ABCB4: variants seen among roughly 807,000 people sequenced by gnomAD.
ABCB4 encodes the protein ATP binding cassette subfamily B member 4.
ABCB4 carries 76 observed loss-of-function variants against 145.7 expected under a neutral mutation model. That is an observed-to-expected ratio of 0.52 (90% confidence interval 0.43 to 0.63). The LOEUF (loss-of-function observed/expected upper bound fraction) is 0.63. Ranked by LOEUF, ABCB4 falls within the 30% of genes least tolerant of loss-of-function variation. ABCB4 has a pLI of 0.00. For synonymous variants in ABCB4, 517 were observed against 566.8 expected (o/e 0.91, Z 1.25); for missense variants, 1,234 against 1,553.1 (o/e 0.79, Z 3.45).
Position 87,402,530 on chromosome 7 carries a change from T to G in ABCB4, c.3634-228A>C, listed in dbSNP as rs45613941. Among the ~76,000 whole-genome samples the G allele has an allele frequency of 0.016, 2,439 of 152,322 alleles. 73 individuals carry two copies. Among genetic ancestry groups the G allele is most frequent in the African/African-American group, 0.055 (2,302 of 41,568 alleles). ...GGTTCCCATGCTGTAAAAAAATTCATAAGTATTTAAATTTTCTAATCTTCT... is the reference window on the plus strand; with the variant it reads ...GGTTCCCATGCTGTAAAAAAATTCAGAAGTATTTAAATTTTCTAATCTTCT... On this transcript the variant is annotated intron_variant, in intron 27 of 27. Coordinates refer to ENST00000649586, the MANE Select transcript of ABCB4 (RefSeq NM_000443.4).
At chr7:87,431,309 T>TTCAACAA (rs1810203544) in intron 15 of ABCB4, 95 bp downstream of exon 15, 2 of 1,506,788 alleles carry the variant, frequency 1.3e-6, no homozygotes, top group Non-Finnish European at 9.2e-7. Context: ...AAGTTTCTTC[T>TTCAACAA]TGCTCAGTAT....
chr7:87,447,539 A>C (rs1393933213), intron 8 of ABCB4, among the ~76,000 whole-genome samples: 1 of 152,236 alleles, frequency 6.6e-6, no homozygotes, highest in African/African-American at 2.4e-5. Flanking sequence ...GTCAGGGTTA[A>C]GAGGGAATGA....
intron 25 of ABCB4, among the ~76,000 whole-genome samples, chr7:87,407,246 C>T (rs1808267156): frequency 6.6e-6 from 1 of 152,128 alleles, no homozygotes; most frequent in Non-Finnish European, 1.5e-5. Context: ...GAAAAAAATT[C>T]CCACCATCGT....
At chr7:87,416,950 A>G (rs1436778971) in intron 21 of ABCB4, among the ~76,000 whole-genome samples, 2 of 152,240 alleles carry the variant, frequency 1.3e-5, no homozygotes, top group Non-Finnish European at 2.9e-5. Flanking sequence ...ATGCCAGCAC[A>G]TGTCCGACCC....
At chr7:87,385,914 C>G in the ABCB4 span, among the ~76,000 whole-genome samples, 3,203 of 152,182 alleles carry the variant, frequency 0.021, 115 homozygotes, top group African/African-American at 0.072. Context: ...TTATCAAATG[C>G]TTTTCAGCAT....
chr7:87,383,714 C>T, the ABCB4 span, among the ~76,000 whole-genome samples: 1 of 152,042 alleles, frequency 6.6e-6, no homozygotes, highest in African/African-American at 2.4e-5. Context: ...CCAGGCTGGT[C>T]TCTAACTCCT....
chr7:87,375,535 A>C, the ABCB4 span: 1 of 795,550 alleles, frequency 1.3e-6, no homozygotes, highest in Non-Finnish European at 2.0e-6. Flanking sequence ...AATATATCCA[A>C]ACATTTAAAT....
rs562051537 is a variant in ABCB4 at position 87,445,847 on chromosome 7, C to T, written c.1006-872G>A. Among the ~76,000 whole-genome samples the T allele has an allele frequency of 6.6e-5, 10 of 152,272 alleles. No homozygotes were observed. In the East Asian group the frequency reaches 1.9e-3, roughly 29 times the overall value. On this transcript the variant is annotated intron_variant, in intron 9 of 27. Coordinates refer to ENST00000649586, the MANE Select transcript of ABCB4 (RefSeq NM_000443.4). Reference sequence around the variant, plus strand: ...GTTAATGCAATAGAGTCCCTGCCCTCTATGCAGAGGGCTTTGCTTGGGCTC... The same window carrying T: ...GTTAATGCAATAGAGTCCCTGCCCTTTATGCAGAGGGCTTTGCTTGGGCTC...
the ABCB4 span, chr7:87,393,204 T>C: frequency 3.1e-6 from 3 of 967,638 alleles, no homozygotes; most frequent in South Asian, 3.4e-5. Context: ...TTTTTTCCAC[T>C]TAGGCATTTA....
chr7:87,397,518 T>A (rs572564512), downstream of ABCB4, among the ~76,000 whole-genome samples: 98 of 152,300 alleles, frequency 6.4e-4, no homozygotes, highest in South Asian at 2.1e-3. Context: ...GAAATTTTTT[T>A]AAAAAATTGA....
intron 23 of ABCB4, 51 bp from the exon 24 acceptor site, chr7:87,409,443 G>A (rs765852703): frequency 8.2e-6 from 13 of 1,589,206 alleles, no homozygotes; most frequent in Non-Finnish European, 1.1e-5. Context: ...TTAACTCCAT[G>A]ATGTTTGAAA....
chr7:87,436,331 A>T (rs887316726), intron 14 of ABCB4, among the ~76,000 whole-genome samples: 42 of 152,120 alleles, frequency 2.8e-4, no homozygotes, highest in Non-Finnish European at 5.0e-4. Context: ...ACAAAAAAAA[A>T]AAAAGCCTTA....
chr7:87,365,952 A>G, the ABCB4 span, among the ~76,000 whole-genome samples: 1 of 152,032 alleles, frequency 6.6e-6, no homozygotes, highest in Admixed American at 6.6e-5. Context: ...GACCATTAAG[A>G]CTAATTCAGT....
intron 18 of ABCB4, among the ~76,000 whole-genome samples, chr7:87,421,483 A>G (rs914033452): frequency 6.6e-6 from 1 of 152,218 alleles, no homozygotes; most frequent in African/African-American, 2.4e-5. Flanking sequence ...TTTCTAAATA[A>G]AAAACTTGGT....
chr7:87,425,122 G>A (rs1809718637), intron 16 of ABCB4, among the ~76,000 whole-genome samples: 1 of 150,774 alleles, frequency 6.6e-6, no homozygotes, highest in Admixed American at 6.6e-5. Context: ...TTTGGTTACT[G>A]CTCTTCAGCA....
At chr7:87,382,542 C>G in the ABCB4 span, 1 of 1,609,388 alleles carries the variant, frequency 6.2e-7, no homozygotes, top group Non-Finnish European at 8.5e-7. Flanking sequence ...ACTTCATGGA[C>G]AGTAAGGACC....
At chr7:87,471,657 A>G (rs1193430177) in intron 3 of ABCB4, among the ~76,000 whole-genome samples, 1 of 152,214 alleles carries the variant, frequency 6.6e-6, no homozygotes. Context: ...CTTCTTTGCT[A>G]CCAAATAATG....
At chr7:87,376,249 T>A in the ABCB4 span, among the ~76,000 whole-genome samples, 5 of 152,062 alleles carry the variant, frequency 3.3e-5, no homozygotes, top group African/African-American at 1.2e-4. Context: ...CTCAGAAAAT[T>A]TACACAGAGC....
At chr7:87,366,481 C>G in the ABCB4 span, among the ~76,000 whole-genome samples, 1 of 152,128 alleles carries the variant, frequency 6.6e-6, no homozygotes, top group African/African-American at 2.4e-5. Flanking sequence ...ATTACTACCT[C>G]AGTCATATTC....
Sources: gnomAD v4.1 joint callset for allele counts (sites outside exome capture counted in the v4.1 genomes callset) on GRCh38, gnomAD v4.1.1 for gene constraint, MANE v1.5 for transcripts, NCBI Gene and HGNC (gene_info 2026-07-23, HGNC 2026-07-21) for gene names.